The following CSMD1 variants were observed in gnomAD, a reference collection of about 807,000 sequenced individuals.
The protein encoded by CSMD1 is CUB and Sushi multiple domains 1, also known as CUB and sushi domain-containing protein 1.
A neutral mutation model predicts 417.5 loss-of-function variants in CSMD1; 213 were observed. The ratio of observed to expected loss-of-function variants is 0.51; its 90% confidence interval spans 0.46 to 0.57. The LOEUF (loss-of-function observed/expected upper bound fraction) is 0.57, where lower values mean the gene tolerates loss of function less well. Among genes scored for constraint, CSMD1 ranks in the 20% least tolerant of loss-of-function variants. CSMD1 has a pLI of 0.00. For missense variants in CSMD1, 6,923 were observed against 4,529.7 expected, an observed-to-expected ratio of 1.53 and a Z score of -15.17; for synonymous variants, 2,862 against 1,736.8, an observed-to-expected ratio of 1.65 and a Z score of -16.11.
At chr8:3,784,903 C>A (rs1799370386) in intron 5 of CSMD1, among the ~76,000 whole-genome samples, 2 of 152,294 alleles carry the variant, frequency 1.3e-5, no homozygotes, top group Non-Finnish European at 2.9e-5. Flanking sequence ...TTACAAACAT[C>A]ATTTTTGTGG....
chr8:4,926,283 T>C (rs1408069812), intron 1 of CSMD1, among the ~76,000 whole-genome samples: 1 of 151,970 alleles, frequency 6.6e-6, no homozygotes, highest in African/African-American at 2.4e-5. Context: ...TAAACATGAA[T>C]TTTTTTTGGT....
At chr8:3,903,557 C>G (rs954944386) in intron 5 of CSMD1, among the ~76,000 whole-genome samples, 3 of 152,156 alleles carry the variant, frequency 2.0e-5, no homozygotes, top group African/African-American at 7.2e-5. Flanking sequence ...TTCTGAATTT[C>G]AATGTGTAGA....
intron 3 of CSMD1, among the ~76,000 whole-genome samples, chr8:4,399,960 A>G (rs1804536581): frequency 6.6e-6 from 1 of 152,174 alleles, no homozygotes; most frequent in Non-Finnish European, 1.5e-5. Context: ...TCTCTGGACC[A>G]ATGTATTAGC....
chr8:3,911,532 T>TAAAAAAAA (rs1012148560), intron 5 of CSMD1, among the ~76,000 whole-genome samples: 1 of 114,204 alleles, frequency 8.8e-6, no homozygotes, highest in African/African-American at 2.8e-5. Context: ...CGTCTCAAAA[T>TAAAAAAAA]AAAAAAAAAA....
chr8:3,226,053 A>C (rs542421703), intron 27 of CSMD1, among the ~76,000 whole-genome samples: 23 of 152,312 alleles, frequency 1.5e-4, no homozygotes, highest in African/African-American at 5.5e-4. Context: ...GCTGGTCTTT[A>C]ACGAGACCCA....
intron 23 of CSMD1, among the ~76,000 whole-genome samples, chr8:3,336,709 G>C (rs954101289): frequency 1.3e-5 from 2 of 152,184 alleles, no homozygotes. Context: ...ATGTGGGCGA[G>C]AGCCCTGCAC....
At chr8:4,016,768 A>G (rs1267039093) in intron 4 of CSMD1, among the ~76,000 whole-genome samples, 3 of 152,218 alleles carry the variant, frequency 2.0e-5, no homozygotes, top group African/African-American at 7.2e-5. Context: ...TGTTGACCTA[A>G]GTTTATGTGT....
rs1166085113 is a variant in CSMD1 at position 3,795,846 on chromosome 8, GATAT to G, written c.819-41808_819-41805del. On this transcript the variant is annotated intron_variant, in intron 5 of 69. Coordinates refer to ENST00000635120, the MANE Select transcript of CSMD1 (RefSeq NM_033225.6). ...TATATATCTATCATGTACAGATATA[GATAT>G]ATATCTATCATGTACAGATATAGAT... 1.8e-4 allele frequency among the ~76,000 whole-genome samples: 11 copies of G among 62,378 alleles called. 3 individuals carry two copies. The South Asian group carries it at 3.2e-3, about 18-fold the overall frequency. The allele number at this position is 62,378 out of a possible 152,430, so 40.9% of individuals were successfully genotyped here. A position where few individuals can be genotyped will look rare whatever the true frequency, so the allele number is the denominator to read the frequency against.
chr8:4,386,527 TAA>T (rs1803467369), intron 3 of CSMD1, among the ~76,000 whole-genome samples: 1 of 152,238 alleles, frequency 6.6e-6, no homozygotes, highest in Non-Finnish European at 1.5e-5. Flanking sequence ...TGTCTAACTC[TAA>T]AGAGGAACTT....
At chr8:3,661,233 A>G (rs1798401940) in intron 7 of CSMD1, among the ~76,000 whole-genome samples, 1 of 152,196 alleles carries the variant, frequency 6.6e-6, no homozygotes, top group African/African-American at 2.4e-5. Flanking sequence ...TGCATCTGTA[A>G]CAAGAGCTCA....
chr8:4,060,365 T>C (rs1242255204), intron 3 of CSMD1, among the ~76,000 whole-genome samples: 3 of 152,158 alleles, frequency 2.0e-5, no homozygotes, highest in Non-Finnish European at 4.4e-5. Flanking sequence ...CTGGAAGCAT[T>C]CCCTTTGCAA....
At chr8:3,380,983 A>T (rs1299958045) in intron 18 of CSMD1, among the ~76,000 whole-genome samples, 1 of 152,160 alleles carries the variant, frequency 6.6e-6, no homozygotes, top group Non-Finnish European at 1.5e-5. Context: ...ACTTGAATGC[A>T]CAGGTATGTG....
chr8:4,207,289 G>A (rs1038030145), intron 3 of CSMD1, among the ~76,000 whole-genome samples: 1 of 152,102 alleles, frequency 6.6e-6, no homozygotes, highest in Admixed American at 6.5e-5. Flanking sequence ...ATTATGGCTG[G>A]TCTAAACCAT....
intron 1 of CSMD1, among the ~76,000 whole-genome samples, chr8:4,943,543 T>C (rs1177456567): frequency 1.4e-5 from 2 of 148,078 alleles, no homozygotes; most frequent in Non-Finnish European, 3.0e-5. Context: ...TAAAATAAAA[T>C]CATCACCTCT....
intron 1 of CSMD1, among the ~76,000 whole-genome samples, chr8:4,775,568 A>G (rs1401833033): frequency 1.3e-5 from 2 of 152,206 alleles, no homozygotes; most frequent in African/African-American, 4.8e-5. Flanking sequence ...TTATTTATGA[A>G]AGACAGAATA....
At chr8:3,597,961 T>A (rs997264849) in intron 8 of CSMD1, among the ~76,000 whole-genome samples, 9 of 152,210 alleles carry the variant, frequency 5.9e-5, no homozygotes, top group African/African-American at 1.9e-4. Context: ...GTTGTGCACA[T>A]GTACCCCAGA....
intron 2 of CSMD1, among the ~76,000 whole-genome samples, chr8:4,630,377 G>T (rs541175146): frequency 1.3e-5 from 2 of 151,868 alleles, no homozygotes; most frequent in South Asian, 2.1e-4. Flanking sequence ...GTATAACCAT[G>T]ATGAGAGCCC....
chr8:3,179,868 G>A (rs1821206231), intron 37 of CSMD1, among the ~76,000 whole-genome samples: 1 of 152,118 alleles, frequency 6.6e-6, no homozygotes, highest in Non-Finnish European at 1.5e-5. Context: ...CATATAAATT[G>A]AAATAAACTT....
intron 3 of CSMD1, among the ~76,000 whole-genome samples, chr8:4,330,615 A>G: frequency 6.6e-6 from 1 of 151,906 alleles, no homozygotes; most frequent in East Asian, 1.9e-4. Flanking sequence ...ATTTTGTAAT[A>G]GCTCATAAAT....
Sources: allele counts gnomAD v4.1 joint callset (sites outside exome capture counted in the v4.1 genomes callset), GRCh38; gene constraint gnomAD v4.1.1; transcripts MANE v1.5; gene names NCBI Gene and HGNC (gene_info 2026-07-23, HGNC 2026-07-21).